Variants in GRIK2 observed in about 807,000 individuals in gnomAD.
The protein encoded by GRIK2 is glutamate ionotropic receptor kainate type subunit 2, also known as glutamate receptor ionotropic, kainate 2.
Under a neutral mutation model 100.3 loss-of-function variants are expected in GRIK2, and 32 were observed. The observed-to-expected ratio is 0.32, with a 90% CI of 0.24 to 0.43. The LOEUF (loss-of-function observed/expected upper bound fraction) is 0.43, where lower values mean the gene tolerates loss of function less well. Ranked by LOEUF, GRIK2 falls within the 20% of genes least tolerant of loss-of-function variation. GRIK2 has a pLI of 1.00. For synonymous variants in GRIK2, 417 were observed against 389.4 expected, an observed-to-expected ratio of 1.07 and a Z score of -0.83; for missense variants, 843 against 1,114.9, an observed-to-expected ratio of 0.76 and a Z score of 3.47.
chr6:101,675,306 C>CTACACA (rs1554243016), intron 4 of GRIK2, among the ~76,000 whole-genome samples: 1 of 149,206 alleles, frequency 6.7e-6, no homozygotes, highest in Non-Finnish European at 1.5e-5. Context: ...CACACACACA[C>CTACACA]CACACACACA....
chr6:102,011,396 A>C (rs944739890), intron 14 of GRIK2, among the ~76,000 whole-genome samples: 20 of 152,116 alleles, frequency 1.3e-4, no homozygotes, highest in African/African-American at 4.6e-4. Flanking sequence ...GTTGTTCATA[A>C]ATTTTAAGAG....
intron 2 of GRIK2, among the ~76,000 whole-genome samples, chr6:101,615,260 T>C (rs553349246): frequency 1.3e-5 from 2 of 151,932 alleles, no homozygotes; most frequent in African/African-American, 4.8e-5. Context: ...ATGTGAGATA[T>C]GATGGCCCTT....
intron 7 of GRIK2, among the ~76,000 whole-genome samples, chr6:101,738,740 T>C (rs139498257): frequency 4.6e-5 from 7 of 152,292 alleles, no homozygotes; most frequent in African/African-American, 1.7e-4. Context: ...TGTTGGATGT[T>C]TAGTGACATC....
At chr6:101,463,782 A>G (rs1221980429) in intron 2 of GRIK2, among the ~76,000 whole-genome samples, 1 of 152,072 alleles carries the variant, frequency 6.6e-6, no homozygotes, top group African/African-American at 2.4e-5. Context: ...CATGGAAAGT[A>G]GTATTTCCCA....
intron 2 of GRIK2, among the ~76,000 whole-genome samples, chr6:101,596,082 C>G (rs1390696344): frequency 6.6e-6 from 1 of 150,932 alleles, no homozygotes; most frequent in Non-Finnish European, 1.5e-5. Context: ...AATCACAGAG[C>G]AAACAACTTC....
chr6:101,754,032 T>A (rs900002233), intron 7 of GRIK2, among the ~76,000 whole-genome samples: 11 of 152,208 alleles, frequency 7.2e-5, no homozygotes, highest in African/African-American at 1.9e-4. Context: ...TTACTTTTTT[T>A]AATAAAAATG....
rs1228944854 is a variant in GRIK2, at chr6:101,792,916, C to CT, written c.952-6726dup. On this transcript the variant is annotated intron_variant, in intron 7 of 16. Transcript: ENST00000369134. ...GAGGCTTTGTTCATTTCTTTTTATTCTTTTTTCTCTAAACTTCCCTTCTCG... is the reference window on the plus strand; with the variant it reads ...GAGGCTTTGTTCATTTCTTTTTATTCTTTTTTTCTCTAAACTTCCCTTCTCG... Among the ~76,000 whole-genome samples the CT allele has an allele frequency of 2.6e-5, 4 of 152,078 alleles. No homozygotes were observed. The East Asian group carries it at 5.8e-4, about 22-fold the overall frequency.
intron 2 of GRIK2, among the ~76,000 whole-genome samples, chr6:101,572,685 G>A (rs763420060): frequency 2.7e-5 from 4 of 147,834 alleles, no homozygotes; most frequent in Non-Finnish European, 6.0e-5. Context: ...CTGAGTTATT[G>A]TGTTTCTCAA....
At chr6:101,470,525 G>A (rs1771889240) in intron 2 of GRIK2, among the ~76,000 whole-genome samples, 1 of 152,122 alleles carries the variant, frequency 6.6e-6, no homozygotes, top group South Asian at 2.1e-4. Context: ...ATCCTTCAAT[G>A]TGATAATTTT....
chr6:101,736,729 C>G (rs1377751122), intron 7 of GRIK2, among the ~76,000 whole-genome samples: 2 of 152,166 alleles, frequency 1.3e-5, no homozygotes, highest in African/African-American at 4.8e-5. Flanking sequence ...CTGACATGCC[C>G]TGGAAACATT....
chr6:101,794,142 T>A (rs1054620777), intron 7 of GRIK2, among the ~76,000 whole-genome samples: 3 of 152,250 alleles, frequency 2.0e-5, no homozygotes, highest in African/African-American at 7.2e-5. Context: ...GAAAGGGAAC[T>A]CCCTGACCCC....
chr6:101,804,249 CAT>C (rs1188587938), intron 9 of GRIK2, among the ~76,000 whole-genome samples: 2 of 151,838 alleles, frequency 1.3e-5, no homozygotes, highest in African/African-American at 2.4e-5. Context: ...GAAACACAAA[CAT>C]AGCGTTTGAT....
At chr6:101,544,113 C>T (rs963563245) in intron 2 of GRIK2, among the ~76,000 whole-genome samples, 1 of 152,022 alleles carries the variant, frequency 6.6e-6, no homozygotes, top group South Asian at 2.1e-4. Context: ...GTACTTTCAT[C>T]CCTTTTTACT....
In GRIK2 at chr6:101,589,580, C is replaced by T. The variant is rs370960446; in HGVS notation, c.116-32369C>T. 8.5e-5 allele frequency among the ~76,000 whole-genome samples: 13 copies of T among 152,208 alleles called. 1 individual carries two copies. The East Asian group carries it at 2.1e-3, about 25-fold the overall frequency. ...TTATTTTTCTGTGCCTGGTTTATTTCACTTAACATAATGTCCTCCAGGTTA... is the reference window on the plus strand; with the variant it reads ...TTATTTTTCTGTGCCTGGTTTATTTTACTTAACATAATGTCCTCCAGGTTA... On this transcript the variant is annotated intron_variant, in intron 2 of 16. Coordinates refer to ENST00000369134, the MANE Select transcript of GRIK2 (RefSeq NM_021956.5).
At chr6:101,760,148 C>A (rs1367070963) in intron 7 of GRIK2, among the ~76,000 whole-genome samples, 1 of 145,768 alleles carries the variant, frequency 6.9e-6, no homozygotes, top group African/African-American at 2.7e-5. Flanking sequence ...GGATTACAGG[C>A]GTGAGCCACC....
intron 14 of GRIK2, among the ~76,000 whole-genome samples, chr6:101,947,732 A>G (rs1791366387): frequency 6.6e-6 from 1 of 152,160 alleles, no homozygotes; most frequent in Non-Finnish European, 1.5e-5. Flanking sequence ...TAGACATGAG[A>G]GGTCCGCACC....
At chr6:101,997,704 A>G (rs1253800032) in intron 14 of GRIK2, among the ~76,000 whole-genome samples, 1 of 152,090 alleles carries the variant, frequency 6.6e-6, no homozygotes, top group African/African-American at 2.4e-5. Context: ...TCATCTATAT[A>G]TCATCTACAT....
intron 2 of GRIK2, among the ~76,000 whole-genome samples, chr6:101,433,691 G>T (rs1313154686): frequency 6.6e-6 from 1 of 151,876 alleles, no homozygotes; most frequent in East Asian, 1.9e-4. Context: ...TGAAGAGCAA[G>T]ATATATTGCT....
chr6:102,018,646 C>T (rs929528442), intron 14 of GRIK2, among the ~76,000 whole-genome samples: 1 of 152,050 alleles, frequency 6.6e-6, no homozygotes, highest in Non-Finnish European at 1.5e-5. Flanking sequence ...TTGTGGTTCT[C>T]TATATCCACC....
Sources: gnomAD v4.1 joint callset for allele counts (sites outside exome capture counted in the v4.1 genomes callset) on GRCh38, gnomAD v4.1.1 for gene constraint, MANE v1.5 for transcripts, NCBI Gene and HGNC (gene_info 2026-07-23, HGNC 2026-07-21) for gene names.